Variants in SAMMSON observed in about 807,000 individuals in gnomAD.
SAMMSON encodes the protein survival associated mitochondrial melanoma specific oncogenic non-coding RNA, also known as long intergenic non-protein coding RNA 1212.
At chr3:70,408,266 A>G (rs946795631) in intron 2 of SAMMSON, among the ~76,000 whole-genome samples, 1 of 152,236 alleles carries the variant, frequency 6.6e-6, no homozygotes. Context: ...TTGGGGATTA[A>G]CATTCAGCTC....
intron 4 of SAMMSON, among the ~76,000 whole-genome samples, chr3:70,138,450 T>C (rs1387532956): frequency 7.1e-6 from 1 of 140,416 alleles, no homozygotes; most frequent in South Asian, 2.4e-4. Flanking sequence ...GAGATGTCTC[T>C]AGAGGCTTTT....
chr3:70,309,134 A>T (rs115195320), intron 7 of SAMMSON, among the ~76,000 whole-genome samples: 144 of 152,260 alleles, frequency 9.5e-4, no homozygotes, highest in African/African-American at 3.4e-3. Flanking sequence ...CTGTTGTGGA[A>T]GTCACTGTAA....
At chr3:70,111,281 C>T (rs548528299) in intron 4 of SAMMSON, among the ~76,000 whole-genome samples, 1 of 152,184 alleles carries the variant, frequency 6.6e-6, no homozygotes, top group African/African-American at 2.4e-5. Context: ...CTTTTTAAAA[C>T]CAATTCGTTG....
At chr3:70,112,035 G>A (rs535071499) in intron 4 of SAMMSON, among the ~76,000 whole-genome samples, 1 of 152,244 alleles carries the variant, frequency 6.6e-6, no homozygotes, top group East Asian at 1.9e-4. Flanking sequence ...CTACATTATA[G>A]TTGATAATGT....
intron 9 of SAMMSON, among the ~76,000 whole-genome samples, chr3:70,378,997 T>TTATTTATA (rs1703043444): frequency 6.7e-6 from 1 of 149,378 alleles, no homozygotes; most frequent in Non-Finnish European, 1.5e-5. Context: ...ATTTATTTAT[T>TTATTTATA]TATTTATTTA....
intron 4 of SAMMSON, among the ~76,000 whole-genome samples, chr3:70,117,026 G>A (rs771272929): frequency 1.3e-5 from 2 of 152,106 alleles, no homozygotes; most frequent in Non-Finnish European, 2.9e-5. Context: ...AGAATAAAGA[G>A]CAAAAACCTT....
intron 4 of SAMMSON, among the ~76,000 whole-genome samples, chr3:70,228,983 A>G (rs891305317): frequency 2.0e-5 from 3 of 152,182 alleles, no homozygotes; most frequent in South Asian, 2.1e-4. Flanking sequence ...GGAGAATACC[A>G]TGTAATAAAT....
chr3:70,400,940 A>G (rs942775102), intron 2 of SAMMSON, among the ~76,000 whole-genome samples: 3 of 152,180 alleles, frequency 2.0e-5, no homozygotes, highest in Non-Finnish European at 4.4e-5. Context: ...TCAAAAAATA[A>G]TAATAAATAA....
At chr3:70,087,571 C>T (rs2067290426) in intron 4 of SAMMSON, among the ~76,000 whole-genome samples, 1 of 152,184 alleles carries the variant, frequency 6.6e-6, no homozygotes, top group South Asian at 2.1e-4. Context: ...TATAGCCACG[C>T]ATGTTCTCAT....
intron 4 of SAMMSON, among the ~76,000 whole-genome samples, chr3:70,093,237 A>T (rs4855459): frequency 1 from 151,996 of 152,308 alleles, 75,842 homozygotes; most frequent in East Asian, 1. Flanking sequence ...GAGCACACTC[A>T]ATGTCAGGCA....
chr3:70,393,711 G>C (rs12634673), downstream of SAMMSON, among the ~76,000 whole-genome samples: 28,354 of 151,936 alleles, frequency 0.19, 2,965 homozygotes, highest in East Asian at 0.34. Context: ...AAAAAGTGTA[G>C]GAAACATCAG....
At chr3:70,323,831 A>G (rs750076514) in intron 7 of SAMMSON, among the ~76,000 whole-genome samples, 3 of 152,010 alleles carry the variant, frequency 2.0e-5, no homozygotes, top group Non-Finnish European at 4.4e-5. Context: ...CAGCTTCTCC[A>G]TCTCTTGAGC....
chr3:70,367,066 AT>A (rs1382324581), intron 9 of SAMMSON, among the ~76,000 whole-genome samples: 8 of 151,736 alleles, frequency 5.3e-5, no homozygotes, highest in African/African-American at 1.7e-4. Flanking sequence ...TTTATGGAGT[AT>A]CTGTGGTGTT....
At chr3:70,080,610 A>G (rs2067264478) in intron 4 of SAMMSON, among the ~76,000 whole-genome samples, 1 of 150,740 alleles carries the variant, frequency 6.6e-6, no homozygotes, top group Admixed American at 6.6e-5. Context: ...CCAAAACCCT[A>G]TTTTGTCTAT....
At chr3:70,275,398 C>T (rs1478122620) in intron 6 of SAMMSON, among the ~76,000 whole-genome samples, 1 of 151,982 alleles carries the variant, frequency 6.6e-6, no homozygotes, top group Non-Finnish European at 1.5e-5. Context: ...GCCTGTAGTC[C>T]CAGCTACTAG....
intron 7 of SAMMSON, among the ~76,000 whole-genome samples, chr3:70,298,855 T>TA (rs1328446699): frequency 6.6e-6 from 1 of 152,166 alleles, no homozygotes; most frequent in Admixed American, 6.6e-5. Flanking sequence ...TCCTGTTGTT[T>TA]ACTACCTGGG....
intron 1 of SAMMSON, among the ~76,000 whole-genome samples, chr3:70,008,470 A>T (rs2066939463): frequency 6.6e-6 from 1 of 152,058 alleles, no homozygotes; most frequent in South Asian, 2.1e-4. Context: ...AATGCTTGTG[A>T]TTTTTGCACA....
chr3:70,018,522 A>T (rs2066997076), intron 3 of SAMMSON, among the ~76,000 whole-genome samples: 1 of 152,076 alleles, frequency 6.6e-6, no homozygotes, highest in African/African-American at 2.4e-5. Context: ...TGATCTTTTC[A>T]AAAAACCAGC....
chr3:70,161,479 A>T (rs985836029), intron 4 of SAMMSON, among the ~76,000 whole-genome samples: 3 of 151,928 alleles, frequency 2.0e-5, no homozygotes, highest in Admixed American at 2.0e-4. Flanking sequence ...ATATTAATTG[A>T]GTTTTAGCTC....
Sources: allele counts gnomAD v4.1 joint callset (sites outside exome capture counted in the v4.1 genomes callset), GRCh38; gene constraint gnomAD v4.1.1; transcripts MANE v1.5; gene names NCBI Gene and HGNC (gene_info 2026-07-23, HGNC 2026-07-21).